Variants in EBPL observed in about 807,000 individuals in gnomAD.
EBPL encodes the protein emopamil-binding protein-like.
Under a neutral mutation model 19.0 loss-of-function variants are expected in EBPL, and 20 were observed. That is an observed-to-expected ratio of 1.05 (90% CI 0.74 to 1.53). The LOEUF (loss-of-function observed/expected upper bound fraction) is 1.53. Among genes scored for constraint, EBPL ranks in the 40% most tolerant of loss-of-function variants. The probability of loss-of-function intolerance (pLI) is 0.00; values close to 1 mark genes in which losing one functional copy is unlikely to be tolerated. For synonymous variants in EBPL, 107 were observed against 117.0 expected, an observed-to-expected ratio of 0.91 and a Z score of 0.55; for missense variants, 219 against 261.1, an observed-to-expected ratio of 0.84 and a Z score of 1.11.
chr13:49,678,989 C>CA (rs1953912384), intron 1 of EBPL, among the ~76,000 whole-genome samples: 1 of 120,728 alleles, frequency 8.3e-6, no homozygotes, highest in Non-Finnish European at 1.7e-5. Flanking sequence ...GCCTGGGTGA[C>CA]AGAGTGAGAC....
intron 1 of EBPL, among the ~76,000 whole-genome samples, chr13:49,686,283 G>T (rs543073095): frequency 6.6e-6 from 1 of 152,064 alleles, no homozygotes; most frequent in African/African-American, 2.4e-5. Context: ...AGAACCAAGA[G>T]CCCCCAGCCT....
intron 1 of EBPL, among the ~76,000 whole-genome samples, chr13:49,671,150 T>C (rs1475103779): frequency 2.0e-5 from 3 of 152,214 alleles, no homozygotes; most frequent in Non-Finnish European, 1.5e-5. Flanking sequence ...GTTTTCTTTT[T>C]CTGAGATAGT....
chr13:49,661,214 G>A lies in EBPL; in HGVS notation c.381-6C>T. ...GGGTGATCTGCAGGAAATGCCTGTTGGAGAGAAAGAAGCCCGGGATGAACC... is the reference window on the plus strand; with the variant it reads ...GGGTGATCTGCAGGAAATGCCTGTTAGAGAGAAAGAAGCCCGGGATGAACC... On this transcript the variant is annotated splice_region_variant and splice_polypyrimidine_tract_variant and intron_variant, in intron 3 of 3. Coordinates refer to ENST00000242827, the MANE Select transcript of EBPL (RefSeq NM_032565.5). 6.2e-7 allele frequency: 1 copy of A among 1,607,142 alleles called. No homozygotes were observed. The highest frequency in any genetic ancestry group is 1.3e-5 in the African/African-American group (1 of 74,752).
At chr13:49,683,851 G>A (rs1025613499) in intron 1 of EBPL, among the ~76,000 whole-genome samples, 1 of 152,116 alleles carries the variant, frequency 6.6e-6, no homozygotes, top group Non-Finnish European at 1.5e-5. Context: ...CTAGGAGAAA[G>A]AAAAATATGC....
intron 2 of EBPL, 67 bp from the exon 3 acceptor site, chr13:49,663,262 T>C: frequency 6.3e-7 from 1 of 1,581,146 alleles, no homozygotes; most frequent in Admixed American, 1.7e-5. Context: ...GGAAATGACC[T>C]TTCTTTCCTT....
At chr13:49,667,087 G>A (rs1020629021) in intron 2 of EBPL, among the ~76,000 whole-genome samples, 3 of 152,090 alleles carry the variant, frequency 2.0e-5, no homozygotes, top group South Asian at 4.2e-4. Context: ...AGGTTAATGC[G>A]TGAGAGGAAG....
intron 2 of EBPL, 66 bp from the exon 3 acceptor site, chr13:49,663,261 C>T (rs1017058189): frequency 2.5e-6 from 4 of 1,580,718 alleles, no homozygotes; most frequent in African/African-American, 2.7e-5. Flanking sequence ...TGGAAATGAC[C>T]TTTCTTTCCT....
chr13:49,681,611 C>T (rs539573621), intron 1 of EBPL, among the ~76,000 whole-genome samples: 11 of 152,306 alleles, frequency 7.2e-5, no homozygotes, highest in Non-Finnish European at 1.6e-4. Flanking sequence ...AGGGTTTTAA[C>T]AACGTATTTT....
rs1369495679 is a variant in EBPL, at chr13:49,688,681, T to C, written c.171+2573A>G. Among the ~76,000 whole-genome samples, 52 of 137,576 alleles carry C rather than the reference T, an allele frequency of 3.8e-4. No homozygotes were observed. In the Admixed American group the frequency reaches 4.2e-3, roughly 11 times the overall value. 90.3% of individuals were successfully genotyped at this position (137,576 alleles called of 152,430 possible). A position where few individuals can be genotyped will look rare whatever the true frequency, so the allele number is the denominator to read the frequency against. On this transcript the variant is annotated intron_variant, in intron 1 of 3. Coordinates refer to ENST00000242827, the MANE Select transcript of EBPL (RefSeq NM_032565.5). ...TTGCAGCGAGCCGAGATTGCGCCAC[T>C]GCACTCCAGTCTGGGTAATAGAGCG...
chr13:49,669,079 C>T (rs529601939), intron 2 of EBPL, among the ~76,000 whole-genome samples: 1 of 152,080 alleles, frequency 6.6e-6, no homozygotes, highest in East Asian at 1.9e-4. Flanking sequence ...CAGGATTTCA[C>T]CGTGTTAGCC....
At chr13:49,679,864 A>G (rs1428708525) in intron 1 of EBPL, among the ~76,000 whole-genome samples, 1 of 149,540 alleles carries the variant, frequency 6.7e-6, no homozygotes, top group Non-Finnish European at 1.5e-5. Flanking sequence ...TTCCTAACCA[A>G]GAAAAAAATA....
At chr13:49,667,596 C>A (rs538405272) in intron 2 of EBPL, among the ~76,000 whole-genome samples, 2 of 152,272 alleles carry the variant, frequency 1.3e-5, no homozygotes, top group African/African-American at 4.8e-5. Flanking sequence ...TTTACATTAT[C>A]TACTGGATTT....
intron 1 of EBPL, among the ~76,000 whole-genome samples, chr13:49,690,789 T>C (rs1954054117): frequency 6.6e-6 from 1 of 152,220 alleles, no homozygotes; most frequent in Non-Finnish European, 1.5e-5. Flanking sequence ...GTAATGCGCC[T>C]GGCACACATT....
intron 1 of EBPL, among the ~76,000 whole-genome samples, chr13:49,678,133 C>T (rs1953897572): frequency 6.6e-6 from 1 of 152,192 alleles, no homozygotes; most frequent in Non-Finnish European, 1.5e-5. Flanking sequence ...CTGATTGGTC[C>T]GTTTTGACAG....
At chr13:49,689,500 C>A (rs1954037265) in intron 1 of EBPL, among the ~76,000 whole-genome samples, 6 of 152,086 alleles carry the variant, frequency 3.9e-5, no homozygotes, top group Admixed American at 3.9e-4. Flanking sequence ...TGGGCACCGT[C>A]ACCACACCTG....
intron 1 of EBPL, among the ~76,000 whole-genome samples, chr13:49,674,131 CAG>C (rs1345156482): frequency 2.6e-5 from 4 of 151,804 alleles, no homozygotes; most frequent in Non-Finnish European, 4.4e-5. Flanking sequence ...TTTTTTTAGA[CAG>C]AGTCTTGCTC....
chr13:49,664,891 A>G (rs1965202676), intron 2 of EBPL, among the ~76,000 whole-genome samples: 1 of 151,540 alleles, frequency 6.6e-6, no homozygotes, highest in Non-Finnish European at 1.5e-5. Context: ...GTTCTGTGAG[A>G]GGCCACCGAG....
intron 2 of EBPL, among the ~76,000 whole-genome samples, chr13:49,664,566 A>G (rs1249123030): frequency 6.6e-6 from 1 of 152,174 alleles, no homozygotes; most frequent in Non-Finnish European, 1.5e-5. Flanking sequence ...AAAATTATTT[A>G]ATTACTTTCT....
At chr13:49,661,970 C>G (rs1410864721) in intron 3 of EBPL, 13 of 1,486,046 alleles carry the variant, frequency 8.7e-6, no homozygotes, top group Non-Finnish European at 1.1e-5. Context: ...TTTATAGTCT[C>G]TGAGTCTGAT....
Sources: allele counts gnomAD v4.1 joint callset (sites outside exome capture counted in the v4.1 genomes callset), GRCh38; gene constraint gnomAD v4.1.1; transcripts MANE v1.5; gene names NCBI Gene and HGNC (gene_info 2026-07-23, HGNC 2026-07-21).